Variants in NSMF observed in about 807,000 individuals in gnomAD.
NSMF encodes the protein NMDA receptor synaptonuclear signaling and neuronal migration factor, also known as nasal embryonic LHRH factor.
In NSMF, 31 loss-of-function variants were observed where a neutral mutation model predicts 71.0. The observed-to-expected ratio is 0.44, with a 90% CI of 0.33 to 0.59. The LOEUF (loss-of-function observed/expected upper bound fraction) is 0.59. NSMF is among the 20% of genes least tolerant of loss of function. The probability of loss-of-function intolerance (pLI) is 0.04; values close to 1 mark genes in which losing one functional copy is unlikely to be tolerated. For synonymous variants in NSMF, 345 were observed against 287.1 expected (o/e 1.20, Z -2.04); for missense variants, 673 against 740.5 (o/e 0.91, Z 1.06).
chr9:137,448,522 CAGCCCCAGCTGGGCCCCTGCCA>C lies in NSMF; in HGVS notation c.*850_*871del, dbSNP rs1411424963. ...AGCGAGTTTCTCAAAACCCAGGGCCCAGCCCCAGCTGGGCCCCTGCCAAGCCCCAGGCCTGTGTGCTGGGATG... is the reference window on the plus strand; with the variant it reads ...AGCGAGTTTCTCAAAACCCAGGGCCCAGCCCCAGGCCTGTGTGCTGGGATG... On this transcript the variant is annotated 3_prime_UTR_variant, in exon 16 of 16. Coordinates refer to ENST00000371475, the MANE Select transcript of NSMF (RefSeq NM_001130969.3). The surrounding 1 kb of genome is among the most constrained non-coding windows in gnomAD (Gnocchi z 5.3). The C allele has an allele frequency of 8.5e-5, 13 of 152,172 alleles. No homozygotes were observed. Among genetic ancestry groups the C allele is most frequent in the African/African-American group, 2.2e-4 (9 of 41,424 alleles). 9.4% of individuals were successfully genotyped at this position (152,172 alleles called of 1,614,324 possible).
At position 137,454,966 on chromosome 9, in the gene NSMF, C is replaced by T. The variant is rs1830756982; in HGVS notation, c.779+273G>A. 7 of 708,576 alleles carry T rather than the reference C, an allele frequency of 9.9e-6. No homozygotes were observed. In the Admixed American group the frequency reaches 1.5e-4, roughly 15 times the overall value. 43.9% of individuals were successfully genotyped at this position (708,576 alleles called of 1,614,324 possible). A position where few individuals can be genotyped will look rare whatever the true frequency, so the allele number is the denominator to read the frequency against. On this transcript the variant is annotated intron_variant, in intron 6 of 15. Transcript: ENST00000371475. ...AAAACGGGCAAAAAAGCTTCCCAGA[C>T]ACATCTGTGTGATTGGAGTGGGGGA...
intron 3 of NSMF, 38 bp downstream of exon 3, chr9:137,457,369 C>T: frequency 1.2e-6 from 2 of 1,612,614 alleles, no homozygotes; most frequent in African/African-American, 1.3e-5. Context: ...GCGGCATGCA[C>T]CCCCAAACCT....
rs575286916 is a variant in NSMF at position 137,448,336 on chromosome 9, C to T, written c.*1058G>A. The stretch of plus-strand genomic sequence containing the variant: ...GGGAACACAGCCAGGTGCCCTCAGA[C>T]CCCTGGCTCTGCACAAGGGGGGCCT... On this transcript the variant is annotated 3_prime_UTR_variant, in exon 16 of 16. Transcript: ENST00000371475. This position sits in a 1 kb window ranked among gnomAD's most constrained non-coding sequence, Gnocchi z 5.3. 6.6e-6 allele frequency: 1 copy of T among 152,598 alleles called. No homozygotes were observed. Among genetic ancestry groups the T allele is most frequent in the East Asian group, 1.9e-4 (1 of 5,184 alleles). The allele number at this position is 152,598 out of a possible 1,614,324, so 9.5% of individuals were successfully genotyped here. A position where few individuals can be genotyped will look rare whatever the true frequency, so the allele number is the denominator to read the frequency against.
rs1454625814 is a variant in NSMF at position 137,447,589 on chromosome 9, T to C, written c.*1805A>G. The C allele has an allele frequency of 6.6e-6, 1 of 151,154 alleles. No individual in the cohort carries two copies. The highest frequency in any genetic ancestry group is 2.4e-5 in the African/African-American group (1 of 40,982). The allele number at this position is 151,154 out of a possible 1,614,324, so 9.4% of individuals were successfully genotyped here. A position where few individuals can be genotyped will look rare whatever the true frequency, so the allele number is the denominator to read the frequency against. ...CAGGCATTTGGTATTTACCTAAAAC[T>C]TTATACACTCAAATTGGCACCAAAA... is the stretch of plus-strand genomic sequence containing the variant. On this transcript the variant is annotated 3_prime_UTR_variant, in exon 16 of 16. Coordinates refer to ENST00000371475, the MANE Select transcript of NSMF (RefSeq NM_001130969.3).
In NSMF at chr9:137,453,583, T is replaced by C. The variant is rs1488990508; in HGVS notation, c.922+148A>G. ...GCCCCGCCTTTGCGATCGGAGATGC[T>C]GAGGGCGTCCCCATCTCACAAACAG... On this transcript the variant is annotated intron_variant, in intron 8 of 15. Transcript: ENST00000371475. The surrounding 1 kb of genome is among the most constrained non-coding windows in gnomAD (Gnocchi z 4.5). 3 of 661,824 alleles carry C rather than the reference T, an allele frequency of 4.5e-6. No individual in the cohort carries two copies. Among genetic ancestry groups the C allele is most frequent in the African/African-American group, 3.6e-5 (2 of 54,832 alleles). The allele number at this position is 661,824 out of a possible 1,614,324, so 41.0% of individuals were successfully genotyped here.
In NSMF at chr9:137,453,822, T is replaced by G; in HGVS notation, c.833-2A>C. The G allele has an allele frequency of 6.3e-7, 1 of 1,585,550 alleles. No individual in the cohort carries two copies. Among genetic ancestry groups the G allele is most frequent in the East Asian group, 2.3e-5 (1 of 44,232 alleles). ...TCCGCTCGCGCCGCTCAGCGAACGC[T>G]GCAGAGAGCAAAACCCGCATTAGCG... is the stretch of plus-strand genomic sequence containing the variant. On this transcript the variant is annotated splice_acceptor_variant, in intron 7 of 15. Coordinates refer to ENST00000371475, the MANE Select transcript of NSMF (RefSeq NM_001130969.3). LOFTEE classifies it high-confidence loss of function. The surrounding 1 kb of genome is among the most constrained non-coding windows in gnomAD (Gnocchi z 4.5).
intron 2 of NSMF, 95 bp from the exon 3 acceptor site, chr9:137,457,996 C>A: frequency 6.6e-7 from 1 of 1,517,930 alleles, no homozygotes; most frequent in Non-Finnish European, 8.8e-7. Context: ...CAGTGGGCAC[C>A]TGGCCTCTGT....
In NSMF at chr9:137,459,187, GTCGCGC is replaced by G; in HGVS notation, c.-91_-86del. On this transcript the variant is annotated 5_prime_UTR_variant, in exon 1 of 16. Coordinates refer to ENST00000371475, the MANE Select transcript of NSMF (RefSeq NM_001130969.3). ...CCGGGGTAGCCGCGCCGCACCGGGG[GTCGCGC>G]TCGGGCTCGGGCTCGGGGTCTCGCT... The G allele has an allele frequency of 9.9e-7, 1 of 1,009,030 alleles. No individual in the cohort carries two copies. 62.5% of individuals were successfully genotyped at this position (1,009,030 alleles called of 1,614,324 possible).
Position 137,456,382 on chromosome 9 carries a change from T to C in NSMF, c.704+29A>G, listed in dbSNP as rs373490766. The C allele has an allele frequency of 5.1e-6, 8 of 1,578,100 alleles. No individual in the cohort carries two copies. In the African/African-American group the frequency reaches 5.4e-5, roughly 11 times the overall value. On this transcript the variant is annotated intron_variant, in intron 4 of 15. Transcript: ENST00000371475. ...GCAGCAGAAAGAGACCACCCAACCC[T>C]GACCCCAAGTCGTGGGCACAAGACT...
rs538236576 is a variant in NSMF, at chr9:137,457,329, C to T, written c.628+78G>A. ...AGCACCTGTTCTCTGTTCCAAGCCT[C>T]ACAGTGGCTGCTGCTGTCAGACCCT... On this transcript the variant is annotated intron_variant, in intron 3 of 15. Transcript: ENST00000371475. 1.3e-4 allele frequency: 207 copies of T among 1,592,910 alleles called. 2 individuals are homozygous for T. The South Asian group carries it at 2.0e-3, about 16-fold the overall frequency.
At chr9:137,452,973 G>A (rs548650546) in intron 9 of NSMF, 83 bp downstream of exon 9, 1 of 1,597,262 alleles carries the variant, frequency 6.3e-7, no homozygotes, top group Admixed American at 1.7e-5. Context: ...AGGCTGCGTG[G>A]TCCCAGGCAG....
chr9:137,452,304 T>G, intron 12 of NSMF, 61 bp downstream of exon 12: 1 of 1,498,536 alleles, frequency 6.7e-7, no homozygotes, highest in Non-Finnish European at 9.2e-7. Context: ...TTCTTCCCCT[T>G]GGTCTTCCCC....
In NSMF at chr9:137,459,168, T is replaced by G; in HGVS notation, c.-66A>C. On this transcript the variant is annotated 5_prime_UTR_variant, in exon 1 of 16. Transcript: ENST00000371475. ...CCCGCGCCCGCCGCCTCCGCCGGGG[T>G]AGCCGCGCCGCACCGGGGGTCGCGC... 9.2e-7 allele frequency: 1 copy of G among 1,090,312 alleles called. No individual in the cohort carries two copies. 67.5% of individuals were successfully genotyped at this position (1,090,312 alleles called of 1,614,324 possible). A position where few individuals can be genotyped will look rare whatever the true frequency, so the allele number is the denominator to read the frequency against.
At chr9:137,455,765 A>G in intron 4 of NSMF, 131 bp from the exon 5 acceptor site, 1 of 989,906 alleles carries the variant, frequency 1.0e-6, no homozygotes, top group East Asian at 2.6e-5. Flanking sequence ...CCTCACAGGT[A>G]ACCCAGCCAC....
Position 137,453,235 on chromosome 9 carries a change from G to C in NSMF, c.923-55C>G. 1 of 1,606,954 alleles carries C rather than the reference G, an allele frequency of 6.2e-7. No individual in the cohort carries two copies. The highest frequency in any genetic ancestry group is 1.7e-5 in the Admixed American group (1 of 59,868). On this transcript the variant is annotated intron_variant, in intron 8 of 15. Transcript: ENST00000371475. The surrounding 1 kb of genome is among the most constrained non-coding windows in gnomAD (Gnocchi z 4.5). ...AGGCCCGGCAGCACCTCCTATCCTG[G>C]CCATGGCCCCAAGGCCCACAGGGCC...
chr9:137,457,449 G>T lies in NSMF; in HGVS notation c.586C>A (p.Arg196Ser). 1.9e-6 allele frequency: 3 copies of T among 1,612,844 alleles called. No homozygotes were observed. Among genetic ancestry groups the T allele is most frequent in the Non-Finnish European group, 2.5e-6 (3 of 1,179,974 alleles). ...QPPLPETSGR[R>S]KKLERMYSVD... ...CTGTACATCCTCTCCAGCTTCTTGC[G>T]GCGACCGGAGGTCTCAGGCAGAGGT... The change falls in exon 3 of 16, where the codon CGC becomes AGC. Residue 196 changes from arginine to serine, a missense_variant. Coordinates refer to ENST00000371475, the MANE Select transcript of NSMF (RefSeq NM_001130969.3).
At position 137,458,445 on chromosome 9, in the gene NSMF, T is replaced by G; in HGVS notation, c.133+43A>C. On this transcript the variant is annotated intron_variant, in intron 2 of 15. Transcript: ENST00000371475. ...AGGCAGGGATCAGCATCCCTTGGGC[T>G]GGGGGGTCTGGGCGGCCCTGGCACG... The G allele has an allele frequency of 2.0e-6, 3 of 1,516,232 alleles. 1 individual carries two copies. The highest frequency in any genetic ancestry group is 2.7e-6 in the Non-Finnish European group (3 of 1,122,272). The allele number at this position is 1,516,232 out of a possible 1,614,324, so 93.9% of individuals were successfully genotyped here.
chr9:137,449,211 T>C lies in NSMF; in HGVS notation c.*183A>G. 1 of 625,394 alleles carries C rather than the reference T, an allele frequency of 1.6e-6. No individual in the cohort carries two copies. Among genetic ancestry groups the C allele is most frequent in the Non-Finnish European group, 2.9e-6 (1 of 347,894 alleles). 38.7% of individuals were successfully genotyped at this position (625,394 alleles called of 1,614,324 possible). On this transcript the variant is annotated 3_prime_UTR_variant, in exon 16 of 16. Coordinates refer to ENST00000371475, the MANE Select transcript of NSMF (RefSeq NM_001130969.3). ...CCCGGCCCCCAGGGACTGCAGCCTC[T>C]GCGGCCACGGGTGCAGCGAGGACCG...
intron 6 of NSMF, chr9:137,454,678 C>T (rs1370393749): frequency 6.6e-7 from 1 of 1,525,062 alleles, no homozygotes; most frequent in African/African-American, 1.4e-5. Flanking sequence ...GTGCCTGGCG[C>T]TCTGGATCAA....
Sources: gnomAD v4.1 joint callset for allele counts on GRCh38, gnomAD v4.1.1 for gene constraint, Gnocchi (gnomAD v3.1) non-coding constraint, MANE v1.5 for transcripts, NCBI Gene and HGNC (gene_info 2026-07-23, HGNC 2026-07-21) for gene names.